The following KDM4C variants were observed in gnomAD, a reference collection of about 807,000 sequenced individuals.
The protein encoded by KDM4C is lysine-specific demethylase 4C.
In KDM4C, 81 loss-of-function variants were observed where a neutral mutation model predicts 129.3. The observed-to-expected ratio is 0.63, with a 90% CI of 0.52 to 0.75. The LOEUF is 0.75. Ranked by LOEUF, KDM4C falls within the 30% of genes least tolerant of loss-of-function variation. The probability of loss-of-function intolerance (pLI) is 0.00; values close to 1 mark genes in which losing one functional copy is unlikely to be tolerated. For missense variants in KDM4C, 1,457 were observed against 1,304.0 expected (o/e 1.12, Z -1.81); for synonymous variants, 573 against 456.1 (o/e 1.26, Z -3.26).
chr9:7,097,341 T>G (rs1044105849), intron 17 of KDM4C, among the ~76,000 whole-genome samples: 17 of 152,158 alleles, frequency 1.1e-4, no homozygotes, highest in African/African-American at 3.9e-4. Context: ...CAGAAAACTT[T>G]GAGAGAAACC....
chr9:7,021,153 TGTA>T lies in KDM4C; in HGVS notation c.2259+5225_2259+5227del, dbSNP rs1354115520. Among the ~76,000 whole-genome samples the T allele has an allele frequency of 6.1e-3, 899 of 148,310 alleles. 10 individuals are homozygous for T. Among genetic ancestry groups the T allele is most frequent in the African/African-American group, 0.019 (787 of 40,480 alleles). On this transcript the variant is annotated intron_variant, in intron 15 of 21. Coordinates refer to ENST00000381309, the MANE Select transcript of KDM4C (RefSeq NM_015061.6). ...GTGTGTGTGTGTGTATATATATATA[TGTA>T]TTTTTTTTTTTTTGAGATGGGGTCT...
chr9:6,900,364 C>G (rs1394256957), intron 8 of KDM4C, among the ~76,000 whole-genome samples: 2 of 152,230 alleles, frequency 1.3e-5, no homozygotes, highest in Non-Finnish European at 2.9e-5. Context: ...TGTGGGATCA[C>G]TCTCAAGATT....
At chr9:7,096,536 A>G (rs965982777) in intron 17 of KDM4C, among the ~76,000 whole-genome samples, 4 of 152,164 alleles carry the variant, frequency 2.6e-5, no homozygotes, top group African/African-American at 4.8e-5. Flanking sequence ...AGAATTCCCA[A>G]CCAGGTCAGA....
At chr9:6,734,312 T>A (rs1174303597) in intron 1 of KDM4C, among the ~76,000 whole-genome samples, 3 of 149,136 alleles carry the variant, frequency 2.0e-5, no homozygotes, top group African/African-American at 5.0e-5. Flanking sequence ...TTTTTTTTTT[T>A]AGATGGAGTT....
chr9:7,166,451 TG>T (rs1844396200), intron 20 of KDM4C, among the ~76,000 whole-genome samples: 1 of 7,792 alleles, frequency 1.3e-4, no homozygotes, highest in African/African-American at 2.0e-3. Flanking sequence ...TGTGTGTGTA[TG>T]TGTGTATGTG....
At chr9:7,117,260 GA>G (rs1443403935) in intron 18 of KDM4C, among the ~76,000 whole-genome samples, 1 of 152,100 alleles carries the variant, frequency 6.6e-6, no homozygotes, top group Non-Finnish European at 1.5e-5. Flanking sequence ...TGGTGGTACA[GA>G]AAATCTGTTA....
intron 14 of KDM4C, 43 bp from the exon 15 acceptor site, chr9:7,015,810 G>C: frequency 3.0e-6 from 4 of 1,341,246 alleles, no homozygotes; most frequent in Non-Finnish European, 4.3e-6. Flanking sequence ...TATTTTAAAG[G>C]TGAAAAAGAC....
At chr9:6,791,743 CCAGA>C (rs1222480581) in intron 1 of KDM4C, among the ~76,000 whole-genome samples, 3 of 152,200 alleles carry the variant, frequency 2.0e-5, no homozygotes, top group African/African-American at 7.2e-5. Flanking sequence ...ATTTTTACGG[CCAGA>C]CACAGTGGCT....
intron 8 of KDM4C, among the ~76,000 whole-genome samples, chr9:6,934,943 A>C (rs371245224): frequency 2.6e-4 from 40 of 152,034 alleles, no homozygotes; most frequent in East Asian, 5.8e-4. Context: ...GTGTGCACAT[A>C]CACTCAGATT....
chr9:6,820,154 A>G (rs746837683), intron 4 of KDM4C, among the ~76,000 whole-genome samples: 6 of 152,146 alleles, frequency 3.9e-5, no homozygotes, highest in Non-Finnish European at 8.8e-5. Flanking sequence ...CAGTTGGTGC[A>G]GTGGGCTTGA....
At chr9:7,038,590 A>C (rs1828040557) in intron 15 of KDM4C, among the ~76,000 whole-genome samples, 1 of 152,056 alleles carries the variant, frequency 6.6e-6, no homozygotes, top group African/African-American at 2.4e-5. Flanking sequence ...TCCAGTTCCC[A>C]CCAGAGGTAA....
intron 15 of KDM4C, among the ~76,000 whole-genome samples, chr9:7,031,164 T>G (rs1231770663): frequency 4.3e-4 from 55 of 126,746 alleles, no homozygotes; most frequent in African/African-American, 1.8e-3. Flanking sequence ...ATTTATTTAT[T>G]TATTTATGTA....
upstream of KDM4C, chr9:6,757,937 G>C: frequency 5.1e-6 from 5 of 985,408 alleles, no homozygotes; most frequent in Non-Finnish European, 6.0e-6. Context: ...GCGGGCCCCA[G>C]CGGTCACGTG....
intron 12 of KDM4C, among the ~76,000 whole-genome samples, chr9:6,999,054 A>T (rs1820295909): frequency 6.6e-6 from 1 of 152,212 alleles, no homozygotes; most frequent in South Asian, 2.1e-4. Context: ...GACACTTTGC[A>T]ATTGTCCCTC....
chr9:7,055,469 A>G (rs886811322), intron 17 of KDM4C, among the ~76,000 whole-genome samples: 3 of 152,238 alleles, frequency 2.0e-5, no homozygotes, highest in African/African-American at 4.8e-5. Context: ...TTACACTACA[A>G]TGATGACTGA....
At chr9:7,090,505 A>T (rs534788664) in intron 17 of KDM4C, among the ~76,000 whole-genome samples, 1 of 152,288 alleles carries the variant, frequency 6.6e-6, no homozygotes, top group African/African-American at 2.4e-5. Flanking sequence ...TTCTTGCTAA[A>T]AAAAAATAAT....
rs1484924136 is a variant in KDM4C, at chr9:6,814,689, T to G, written c.379T>G (p.Leu127Val). The G allele has an allele frequency of 6.2e-7, 1 of 1,611,952 alleles. No individual in the cohort carries two copies. ...TTTGGAGCGCAAGTACTGGAAGAAC[T>G]TAACTTTTGTGGCACCTATCTATGG... ...EDLERKYWKNLTFVAPIYGAD... is the reference protein window; with the variant it reads ...EDLERKYWKNVTFVAPIYGAD... Residue 127 changes from leucine (L) to valine (V), a missense_variant, in exon 4 of 22, where the codon TTA (leucine) becomes GTA (valine). Physicochemically the swap from Leu to Val is conservative, Grantham distance 32. Coordinates refer to ENST00000381309, the MANE Select transcript of KDM4C (RefSeq NM_015061.6).
At chr9:6,839,098 G>T (rs1433068076) in intron 4 of KDM4C, among the ~76,000 whole-genome samples, 1 of 152,296 alleles carries the variant, frequency 6.6e-6, no homozygotes, top group South Asian at 2.1e-4. Flanking sequence ...CATTAGCCTA[G>T]CTTTAAGTTG....
chr9:6,954,454 A>G (rs1589291244), intron 8 of KDM4C, among the ~76,000 whole-genome samples: 1 of 152,196 alleles, frequency 6.6e-6, no homozygotes, highest in Non-Finnish European at 1.5e-5. Flanking sequence ...TTTATTGACA[A>G]TGAACTATTC....
Sources: allele counts gnomAD v4.1 joint callset (sites outside exome capture counted in the v4.1 genomes callset), GRCh38; gene constraint gnomAD v4.1.1; transcripts MANE v1.5; gene names NCBI Gene and HGNC (gene_info 2026-07-23, HGNC 2026-07-21).